The following MAP3K10 variants were observed in gnomAD, a reference collection of about 807,000 sequenced individuals.
MAP3K10 encodes the protein mitogen-activated protein kinase kinase kinase 10.
Under a neutral mutation model 75.0 loss-of-function variants are expected in MAP3K10, and 22 were observed. The ratio of observed to expected loss-of-function variants is 0.29; its 90% CI spans 0.21 to 0.42. The LOEUF is 0.42. MAP3K10 is among the 10% of genes least tolerant of loss of function. MAP3K10 has a pLI of 1.00. For synonymous variants in MAP3K10, 599 were observed against 612.9 expected, an observed-to-expected ratio of 0.98 and a Z score of 0.34; for missense variants, 1,165 against 1,379.8, an observed-to-expected ratio of 0.84 and a Z score of 2.47.
chr19:40,205,070 G>A lies in MAP3K10; in HGVS notation c.1013-51G>A, dbSNP rs769275497. The A allele has an allele frequency of 6.4e-7, 1 of 1,556,546 alleles. No individual in the cohort carries two copies. The highest frequency in any genetic ancestry group is 2.3e-5 in the East Asian group (1 of 44,384). ...TGAGCAGGCTGAGTCCCCAGAGCATGACCACTGACACCTCCATGCCCCACC... is the reference window on the plus strand; with the variant it reads ...TGAGCAGGCTGAGTCCCCAGAGCATAACCACTGACACCTCCATGCCCCACC... On this transcript the variant is annotated intron_variant, in intron 3 of 9. Transcript: ENST00000253055. The surrounding 1 kb of genome is among the most constrained non-coding windows in gnomAD (Gnocchi z 4.3).
intron 2 of MAP3K10, among the ~76,000 whole-genome samples, chr19:40,203,052 G>A (rs1343764606): frequency 1.3e-5 from 2 of 152,166 alleles, no homozygotes; most frequent in Non-Finnish European, 2.9e-5. Flanking sequence ...ATAAGTATAC[G>A]TTGAATGGGC....
chr19:40,192,298 G>A lies in MAP3K10; in HGVS notation c.267G>A (p.Leu89=), dbSNP rs1327252988. 3.1e-6 allele frequency: 5 copies of A among 1,597,880 alleles called. No individual in the cohort carries two copies. The highest frequency in any genetic ancestry group is 2.3e-5 in the East Asian group (1 of 44,394). Residue 89 remains leucine, a synonymous_variant, in exon 1 of 10, where the codon CTG becomes CTA. Transcript: ENST00000253055. This position sits in a 1 kb window ranked among gnomAD's most constrained non-coding sequence, Gnocchi z 7.1. The part of the protein sequence containing the change: ...GAPAAPAGLQ[L]PQEIPFHELQ... ...CCGCTGCACCCGCGGGCCTCCAGCT[G>A]CCCCAGGAGATCCCCTTCCACGAGC...
chr19:40,197,857 G>A (rs553155788), intron 1 of MAP3K10, among the ~76,000 whole-genome samples: 1 of 150,984 alleles, frequency 6.6e-6, no homozygotes, highest in African/African-American at 2.4e-5. Context: ...TTTGAGACGA[G>A]GTCTCACTCT....
At position 40,192,875 on chromosome 19, in the gene MAP3K10, C is replaced by T. The variant is rs1489567720; in HGVS notation, c.682+162C>T. On this transcript the variant is annotated intron_variant, in intron 1 of 9. Coordinates refer to ENST00000253055, the MANE Select transcript of MAP3K10 (RefSeq NM_002446.4). The surrounding 1 kb of genome is among the most constrained non-coding windows in gnomAD (Gnocchi z 7.1). ...GTGAAGGTGAGGTAGGCCTTGCCTGCCTTAAGGGAGAAAAAGGAGGCTCAG... is the reference window on the plus strand; with the variant it reads ...GTGAAGGTGAGGTAGGCCTTGCCTGTCTTAAGGGAGAAAAAGGAGGCTCAG... Among the ~76,000 whole-genome samples, 1 of 152,076 alleles carries T rather than the reference C, an allele frequency of 6.6e-6. No homozygotes were observed. Among genetic ancestry groups the T allele is most frequent in the Non-Finnish European group, 1.5e-5 (1 of 68,000 alleles).
Position 40,215,016 on chromosome 19 carries a change from C to A in MAP3K10, c.2589C>A (p.Ala863=). 6.2e-7 allele frequency: 1 copy of A among 1,601,550 alleles called. No individual in the cohort carries two copies. Among genetic ancestry groups the A allele is most frequent in the Non-Finnish European group, 8.5e-7 (1 of 1,173,280 alleles). ...LDFPRLPDPQ[A]LFPARRRPPE... ...TCCCCCGCCTGCCCGACCCCCAGGC[C>A]CTGTTCCCAGCCCGCCGCCGGCCCC... The change falls in exon 10 of 10, where the codon GCC becomes GCA. Residue 863 remains alanine (A), a synonymous_variant. Coordinates refer to ENST00000253055, the MANE Select transcript of MAP3K10 (RefSeq NM_002446.4).
chr19:40,212,991 G>A lies in MAP3K10; in HGVS notation c.1724+15G>A, dbSNP rs1279515957. 6.3e-7 allele frequency: 1 copy of A among 1,594,648 alleles called. No individual in the cohort carries two copies. Among genetic ancestry groups the A allele is most frequent in the South Asian group, 1.1e-5 (1 of 87,618 alleles). On this transcript the variant is annotated intron_variant, in intron 7 of 9. Coordinates refer to ENST00000253055, the MANE Select transcript of MAP3K10 (RefSeq NM_002446.4). This position sits in a 1 kb window ranked among gnomAD's most constrained non-coding sequence, Gnocchi z 4.2. Reference sequence around the variant, plus strand: ...GGAGAGGAGAGGTGAGGTGTGGTGTGGTCATGCCCACCCTGTGCCCAAGCC... The same window carrying A: ...GGAGAGGAGAGGTGAGGTGTGGTGTAGTCATGCCCACCCTGTGCCCAAGCC...
At chr19:40,194,307 G>A (rs929665971) in intron 1 of MAP3K10, among the ~76,000 whole-genome samples, 2 of 152,076 alleles carry the variant, frequency 1.3e-5, no homozygotes, top group African/African-American at 2.4e-5. Flanking sequence ...GCAGTGAGCC[G>A]AGATTGCACC....
Position 40,204,735 on chromosome 19 carries a change from G to A in MAP3K10, c.1012+102G>A, listed in dbSNP as rs1973085001. ...ACACCTATCCATACCAGTGGGCCCA[G>A]GAGTGAGGAAGAAGGGGCTGGAACC... On this transcript the variant is annotated intron_variant, in intron 3 of 9. Transcript: ENST00000253055. The surrounding 1 kb of genome is among the most constrained non-coding windows in gnomAD (Gnocchi z 4.3). 2 of 1,389,298 alleles carry A rather than the reference G, an allele frequency of 1.4e-6. No homozygotes were observed. Among genetic ancestry groups the A allele is most frequent in the African/African-American group, 2.9e-5 (2 of 69,802 alleles). The allele number at this position is 1,389,298 out of a possible 1,614,324, so 86.1% of individuals were successfully genotyped here.
In MAP3K10 at chr19:40,205,984, G is replaced by T; in HGVS notation, c.1262G>T (p.Arg421Leu). ...CGCTTCCAGGAGGAGCAGCTGCGGC[G>T]GCGGGAGCAGGAGCTGGCAGAACGT... is the stretch of plus-strand genomic sequence containing the variant. ...EQRFQEEQLR[R>L]REQELAEREM... Residue 421 changes from arginine to leucine, a missense_variant, in exon 5 of 10, where the codon CGG (arginine) becomes CTG (leucine). Arg to Leu is a moderately radical substitution (Grantham distance 102). Transcript: ENST00000253055. The surrounding 1 kb of genome is among the most constrained non-coding windows in gnomAD (Gnocchi z 4.3). 6.2e-7 allele frequency: 1 copy of T among 1,610,846 alleles called. No homozygotes were observed. Among genetic ancestry groups the T allele is most frequent in the South Asian group, 1.1e-5 (1 of 90,624 alleles).
rs1359245796 is a variant in MAP3K10, at chr19:40,213,525, G to C, written c.1846G>C (p.Ala616Pro). Residue 616 changes from alanine (A) to proline (P), a missense_variant, in exon 9 of 10, where the codon GCG (alanine) becomes CCG (proline). Coordinates refer to ENST00000253055, the MANE Select transcript of MAP3K10 (RefSeq NM_002446.4). This position sits in a 1 kb window ranked among gnomAD's most constrained non-coding sequence, Gnocchi z 5.7. ...FASLNEMEEF[A>P]EAEDGGSSVP... ...GCCCTCTCCGGTTGCAGAGGAGTTC[G>C]CGGAGGCAGAGGATGGAGGCAGCAG... The C allele has an allele frequency of 1.2e-6, 2 of 1,612,000 alleles. No homozygotes were observed. Among genetic ancestry groups the C allele is most frequent in the Non-Finnish European group, 1.7e-6 (2 of 1,179,456 alleles).
rs1449404097 is a variant in MAP3K10, at chr19:40,192,684, T to C, written c.653T>C (p.Ile218Thr). 6.5e-7 allele frequency: 1 copy of C among 1,549,746 alleles called. No homozygotes were observed. Among genetic ancestry groups the C allele is most frequent in the Non-Finnish European group, 8.7e-7 (1 of 1,147,116 alleles). ...CTACACAATGATGCCCCTGTGCCCA[T>C]CATCCACCGGGACCTCAAGTCCATC... ...NYLHNDAPVP[I>T]IHRDLKSINI... The change falls in exon 1 of 10, where the codon ATC becomes ACC. Residue 218 changes from isoleucine to threonine, a missense_variant. Ile to Thr is a moderately conservative substitution (Grantham distance 89). Coordinates refer to ENST00000253055, the MANE Select transcript of MAP3K10 (RefSeq NM_002446.4). The surrounding 1 kb of genome is among the most constrained non-coding windows in gnomAD (Gnocchi z 7.1).
At chr19:40,201,912 C>G (rs1208334215) in intron 2 of MAP3K10, among the ~76,000 whole-genome samples, 1 of 151,128 alleles carries the variant, frequency 6.6e-6, no homozygotes, top group Non-Finnish European at 1.5e-5. Flanking sequence ...AACCCATCAT[C>G]TAGGTTTGAA....
intron 5 of MAP3K10, among the ~76,000 whole-genome samples, chr19:40,208,684 A>G (rs1382555759): frequency 1.3e-5 from 2 of 150,744 alleles, no homozygotes; most frequent in East Asian, 2.0e-4. Flanking sequence ...ATATATATAT[A>G]TATATACAGT....
intron 5 of MAP3K10, among the ~76,000 whole-genome samples, chr19:40,208,372 A>ATTTTTTTTTT (rs1973173669): frequency 1.9e-5 from 1 of 52,872 alleles, no homozygotes. Flanking sequence ...TTTTTTTTGT[A>ATTTTTTTTTT]TTTTTAGTAG....
In MAP3K10 at chr19:40,215,090, G is replaced by A. The variant is rs1337762959; in HGVS notation, c.2663G>A (p.Arg888Gln). The change falls in exon 10 of 10, where the codon CGG becomes CAG. Residue 888 changes from arginine to glutamine, a missense_variant. Arg to Gln is a conservative substitution (Grantham distance 43, BLOSUM62 1). This residue lies in a region of MAP3K10 where 590 missense variants were observed against 586.6 expected (regional missense o/e 1.01). Transcript: ENST00000253055. ...ACCCTGACCTTTGCCCCGAGACCTC[G>A]GCCGGCTGCCAGTCGCCCCCGCTTG... ...PTTLTFAPRP[R>Q]PAASRPRLDP... 5 of 1,608,534 alleles carry A rather than the reference G, an allele frequency of 3.1e-6. No individual in the cohort carries two copies. The highest frequency in any genetic ancestry group is 1.7e-6 in the Non-Finnish European group (2 of 1,178,478).
At chr19:40,210,751 A>C (rs1041419350) in intron 6 of MAP3K10, among the ~76,000 whole-genome samples, 5 of 151,968 alleles carry the variant, frequency 3.3e-5, no homozygotes, top group Admixed American at 3.3e-4. Context: ...ACCAATGTCC[A>C]GTGTCTCAGG....
At position 40,209,198 on chromosome 19, in the gene MAP3K10, C is replaced by T. The variant is rs141826833; in HGVS notation, c.1531C>T (p.Pro511Ser). ...CCCCCCTGCAAGCCCCAGCATCATC[C>T]CCCGGCTGAGGGCCATTCGCCGTGA... ...ASPPASPSII[P>S]RLRAIRLTPV... The change falls in exon 6 of 10, where the codon CCC (proline) becomes TCC (serine). Residue 511 changes from proline to serine, a missense_variant. Transcript: ENST00000253055. 5 of 1,614,050 alleles carry T rather than the reference C, an allele frequency of 3.1e-6. No homozygotes were observed. The highest frequency in any genetic ancestry group is 4.2e-6 in the Non-Finnish European group (5 of 1,180,010).
intron 5 of MAP3K10, among the ~76,000 whole-genome samples, chr19:40,207,292 A>G (rs1231573325): frequency 1.3e-5 from 2 of 151,914 alleles, no homozygotes; most frequent in Non-Finnish European, 2.9e-5. Flanking sequence ...CGTAGTGTCT[A>G]CTTGTCTCTT....
intron 1 of MAP3K10, among the ~76,000 whole-genome samples, chr19:40,195,579 C>T (rs1446559483): frequency 4.8e-5 from 7 of 144,704 alleles, no homozygotes; most frequent in African/African-American, 1.0e-4. Context: ...CTGAACCTTC[C>T]GCCTCCCGGG....
Sources: allele counts gnomAD v4.1 joint callset (sites outside exome capture counted in the v4.1 genomes callset), GRCh38; gene constraint gnomAD v4.1.1; regional missense constraint gnomAD v4.1.1; non-coding constraint Gnocchi (gnomAD v3.1); transcripts MANE v1.5; gene names NCBI Gene and HGNC (gene_info 2026-07-23, HGNC 2026-07-21).